C1orf105: variants seen among roughly 807,000 people sequenced by gnomAD.
C1orf105 encodes the protein chromosome 1 open reading frame 105.
Under a neutral mutation model 20.8 loss-of-function variants are expected in C1orf105, and 17 were observed. The ratio of observed to expected loss-of-function variants is 0.82; its 90% CI spans 0.56 to 1.23. The LOEUF (loss-of-function observed/expected upper bound fraction) is 1.23, where lower values mean the gene tolerates loss of function less well. Among genes scored for constraint, C1orf105 ranks in the 50% most tolerant of loss-of-function variants. The pLI, the probability that C1orf105 is intolerant of heterozygous loss-of-function variation, is 0.00. For synonymous variants in C1orf105, 72 were observed against 72.1 expected, an observed-to-expected ratio of 1.00 and a Z score of 0.01; for missense variants, 219 against 213.5, an observed-to-expected ratio of 1.03 and a Z score of -0.16.
At chr1:172,434,811 C>A (rs1397577347) in intron 1 of C1orf105, among the ~76,000 whole-genome samples, 1 of 152,148 alleles carries the variant, frequency 6.6e-6, no homozygotes, top group South Asian at 2.1e-4. Context: ...AATCCAGGAG[C>A]TGGTTTTTTG....
At chr1:172,460,003 C>T (rs1400803635) in intron 4 of C1orf105, among the ~76,000 whole-genome samples, 1 of 82,656 alleles carries the variant, frequency 1.2e-5, no homozygotes, top group African/African-American at 5.3e-5. Flanking sequence ...TAGGAAAATT[C>T]AGAGACAGAA....
chr1:172,466,390 C>T lies in C1orf105; in HGVS notation c.406+1027C>T, dbSNP rs552630845. Among the ~76,000 whole-genome samples, 79 of 152,260 alleles carry T rather than the reference C, an allele frequency of 5.2e-4. 1 individual carries two copies. Among genetic ancestry groups the T allele is most frequent in the South Asian group, 6.2e-4 (3 of 4,820 alleles). On this transcript the variant is annotated intron_variant, in intron 6 of 6. Transcript: ENST00000367727. ...CCTGGAGCTAAGAGTACCTACCCAACGAAAGCTACCCAATCTGCTGTTCCC... is the reference window on the plus strand; with the variant it reads ...CCTGGAGCTAAGAGTACCTACCCAATGAAAGCTACCCAATCTGCTGTTCCC...
rs200645815 is a variant in C1orf105, at chr1:172,440,016, A to AT, written c.22-5049dup. 4.0e-3 allele frequency among the ~76,000 whole-genome samples: 608 copies of AT among 152,074 alleles called. 2 individuals carry two copies. The highest frequency in any genetic ancestry group is 0.016 in the East Asian group (85 of 5,178). On this transcript the variant is annotated intron_variant, in intron 1 of 6. Transcript: ENST00000367727. ...CAATTGACCTTACAGAAAACCACCAATTTTTTTTATCACAAAACACAATAT... is the reference window on the plus strand; with the variant it reads ...CAATTGACCTTACAGAAAACCACCAATTTTTTTTTATCACAAAACACAATAT...
chr1:172,431,140 G>C (rs1416937092), intron 1 of C1orf105: 2 of 529,742 alleles, frequency 3.8e-6, no homozygotes. Flanking sequence ...ATGAAGAGTT[G>C]CACATCTCTC....
chr1:172,442,035 G>A, intron 1 of C1orf105: 3 of 1,614,216 alleles, frequency 1.9e-6, no homozygotes, highest in Non-Finnish European at 2.5e-6. Flanking sequence ...AGGCATGCAG[G>A]GACCGGGGAA....
intron 1 of C1orf105, among the ~76,000 whole-genome samples, chr1:172,430,688 A>G (rs2071846555): frequency 6.6e-6 from 1 of 151,928 alleles, no homozygotes; most frequent in Admixed American, 6.6e-5. Context: ...CAATTTTCCC[A>G]CCTCAGCCTC....
At chr1:172,437,117 A>C (rs1255290743) in intron 1 of C1orf105, among the ~76,000 whole-genome samples, 1 of 152,008 alleles carries the variant, frequency 6.6e-6, no homozygotes, top group Non-Finnish European at 1.5e-5. Flanking sequence ...TGGAGAAATA[A>C]CACTTTTACA....
At chr1:172,423,911 A>T (rs1573820606) in intron 1 of C1orf105, among the ~76,000 whole-genome samples, 1 of 152,176 alleles carries the variant, frequency 6.6e-6, no homozygotes, top group Middle Eastern at 3.4e-3. Context: ...GCTGTTTGAA[A>T]ATATATAGAG....
chr1:172,437,746 A>T (rs2072087471), intron 1 of C1orf105, among the ~76,000 whole-genome samples: 1 of 149,442 alleles, frequency 6.7e-6, no homozygotes, highest in African/African-American at 2.4e-5. Context: ...TAATAATAAT[A>T]ATAATAATAA....
At chr1:172,466,424 G>C (rs1650056672) in intron 6 of C1orf105, among the ~76,000 whole-genome samples, 1 of 152,200 alleles carries the variant, frequency 6.6e-6, no homozygotes, top group Admixed American at 6.5e-5. Flanking sequence ...CCTGGTCTAT[G>C]ATCACCTCAT....
rs1649734683 is a variant in C1orf105, at chr1:172,462,104, C to T, written c.274-74C>T. On this transcript the variant is annotated intron_variant, in intron 4 of 6. Coordinates refer to ENST00000367727, the MANE Select transcript of C1orf105 (RefSeq NM_139240.4). Reference sequence around the variant, plus strand: ...TGACATCAAATACAACACAAATTCACTAAAGTGGTACATTATTTATTTAAA... The same window carrying T: ...TGACATCAAATACAACACAAATTCATTAAAGTGGTACATTATTTATTTAAA... The T allele has an allele frequency of 3.6e-6, 4 of 1,114,044 alleles. No individual in the cohort carries two copies. The African/African-American group carries it at 6.3e-5, about 17-fold the overall frequency. 69.0% of individuals were successfully genotyped at this position (1,114,044 alleles called of 1,614,324 possible). A position where few individuals can be genotyped will look rare whatever the true frequency, so the allele number is the denominator to read the frequency against.
chr1:172,448,599 G>A, intron 3 of C1orf105, 68 bp downstream of exon 3: 3 of 892,234 alleles, frequency 3.4e-6, no homozygotes, highest in African/African-American at 1.6e-5. Flanking sequence ...ATGAATACAT[G>A]TCCCATCTCC....
chr1:172,453,196 T>C, intron 3 of C1orf105: 1 of 1,550,628 alleles, frequency 6.4e-7, no homozygotes, highest in Non-Finnish European at 8.7e-7. Context: ...TGAGGTAGAG[T>C]ACAGCACAGA....
chr1:172,451,124 G>A (rs934663682), intron 3 of C1orf105: 2 of 152,370 alleles, frequency 1.3e-5, no homozygotes, highest in African/African-American at 4.8e-5. Flanking sequence ...GCAGGTGTGT[G>A]GGGGTGACCC....
chr1:172,434,613 G>A (rs1005618567), intron 1 of C1orf105, among the ~76,000 whole-genome samples: 1 of 152,196 alleles, frequency 6.6e-6, no homozygotes, highest in Non-Finnish European at 1.5e-5. Flanking sequence ...AGTGTGTAGA[G>A]GGAAATTTAT....
intron 1 of C1orf105, among the ~76,000 whole-genome samples, chr1:172,435,302 C>G (rs2072003609): frequency 6.6e-6 from 1 of 152,020 alleles, no homozygotes; most frequent in Admixed American, 6.6e-5. Flanking sequence ...AAAAAGAGAA[C>G]TTTAGGCCAA....
chr1:172,460,815 G>A (rs1020277620), intron 4 of C1orf105, among the ~76,000 whole-genome samples: 13 of 152,284 alleles, frequency 8.5e-5, no homozygotes, highest in African/African-American at 3.1e-4. Context: ...TGAAGAAAAA[G>A]ACTATTCAGG....
intron 1 of C1orf105, chr1:172,442,495 G>A: frequency 2.5e-6 from 4 of 1,614,180 alleles, no homozygotes; most frequent in African/African-American, 1.3e-5. Context: ...GTATTTCCGA[G>A]CATGGATGTT....
At chr1:172,443,816 G>C in intron 1 of C1orf105, 1 of 292,476 alleles carries the variant, frequency 3.4e-6, no homozygotes, top group Non-Finnish European at 5.5e-6. Context: ...GGGAGGGGAC[G>C]GGGTAGGGTA....
Sources: allele counts gnomAD v4.1 joint callset (sites outside exome capture counted in the v4.1 genomes callset), GRCh38; gene constraint gnomAD v4.1.1; transcripts MANE v1.5; gene names NCBI Gene and HGNC (gene_info 2026-07-23, HGNC 2026-07-21).